Variants in NEBL observed in about 807,000 individuals in gnomAD.
NEBL encodes the protein LIM and SH3 protein 2.
Under a neutral mutation model 140.2 loss-of-function variants are expected in NEBL, and 122 were observed. The observed-to-expected ratio is 0.87, with a 90% confidence interval of 0.75 to 1.01. The LOEUF is 1.01. NEBL is among the 50% of genes least tolerant of loss of function. NEBL has a pLI of 0.00. For missense variants in NEBL, 1,365 were observed against 1,231.3 expected, an observed-to-expected ratio of 1.11 and a Z score of -1.62; for synonymous variants, 436 against 398.9, an observed-to-expected ratio of 1.09 and a Z score of -1.11.
At chr10:20,850,914 A>C (rs1842442660) in intron 10 of NEBL, among the ~76,000 whole-genome samples, 1 of 152,346 alleles carries the variant, frequency 6.6e-6, no homozygotes, top group East Asian at 1.9e-4. Flanking sequence ...GAAAGAAAAC[A>C]TGGGTATGAT....
intron 3 of NEBL, among the ~76,000 whole-genome samples, chr10:21,223,224 C>T (rs1047349184): frequency 2.6e-5 from 4 of 152,222 alleles, no homozygotes; most frequent in African/African-American, 7.2e-5. Flanking sequence ...CCTCTGGTAA[C>T]CATTCTTACA....
chr10:21,026,743 T>A (rs1833516141), intron 2 of NEBL, among the ~76,000 whole-genome samples: 1 of 152,254 alleles, frequency 6.6e-6, no homozygotes, highest in Non-Finnish European at 1.5e-5. Context: ...CAGGGCTGCC[T>A]GCTAGCATTC....
At chr10:21,041,904 C>T (rs1834284729) in intron 2 of NEBL, among the ~76,000 whole-genome samples, 1 of 152,142 alleles carries the variant, frequency 6.6e-6, no homozygotes, top group Non-Finnish European at 1.5e-5. Context: ...TGTCATGGTG[C>T]TGGTGGGAGT....
At chr10:20,836,238 G>A (rs1840875295) in intron 13 of NEBL, among the ~76,000 whole-genome samples, 1 of 151,688 alleles carries the variant, frequency 6.6e-6, no homozygotes, top group African/African-American at 2.4e-5. Context: ...TGATTTTTTT[G>A]TTTTGACAGA....
intron 4 of NEBL, among the ~76,000 whole-genome samples, chr10:20,936,213 C>T (rs1453323353): frequency 3.3e-5 from 5 of 152,158 alleles, no homozygotes; most frequent in Non-Finnish European, 7.3e-5. Flanking sequence ...ATTTAATTCT[C>T]ATAAAAACTC....
intron 3 of NEBL, among the ~76,000 whole-genome samples, chr10:21,233,777 G>C (rs1392073630): frequency 1.5e-5 from 2 of 136,500 alleles, no homozygotes; most frequent in Non-Finnish European, 1.5e-5. Context: ...ACATATAAAT[G>C]CATATATATG....
intron 2 of NEBL, among the ~76,000 whole-genome samples, chr10:21,113,883 CTATTA>C (rs1838160786): frequency 6.6e-6 from 1 of 151,952 alleles, no homozygotes; most frequent in Non-Finnish European, 1.5e-5. Context: ...CTGATTTTCT[CTATTA>C]TTTTTGTTTT....
intron 2 of NEBL, chr10:21,113,434 A>G: frequency 2.4e-6 from 1 of 417,668 alleles, no homozygotes; most frequent in Non-Finnish European, 4.5e-6. Flanking sequence ...CAATTATGTG[A>G]AGAGTTGCTT....
intron 3 of NEBL, among the ~76,000 whole-genome samples, chr10:21,237,769 G>A (rs1842377909): frequency 6.6e-6 from 1 of 151,750 alleles, no homozygotes. Context: ...ACCAAGCCTG[G>A]CTAATTTTTG....
chr10:21,283,285 G>A (rs1016154282), intron 1 of NEBL, among the ~76,000 whole-genome samples: 1 of 152,082 alleles, frequency 6.6e-6, no homozygotes, highest in Non-Finnish European at 1.5e-5. Flanking sequence ...GCAACAACAG[G>A]AAGTTACCCT....
intron 5 of NEBL, 36 bp from the exon 6 acceptor site, chr10:20,869,877 A>G: frequency 7.6e-7 from 1 of 1,313,650 alleles, no homozygotes; most frequent in East Asian, 2.3e-5. Flanking sequence ...AAATAAATAA[A>G]TTAGTAATTT....
intron 2 of NEBL, among the ~76,000 whole-genome samples, chr10:21,100,401 T>C (rs577904156): frequency 6.6e-6 from 1 of 152,356 alleles, no homozygotes; most frequent in Admixed American, 6.5e-5. Context: ...CATTGTCAGC[T>C]GTGCGGGCTG....
intron 2 of NEBL, among the ~76,000 whole-genome samples, chr10:21,118,966 C>T (rs1038602700): frequency 2.0e-5 from 3 of 152,152 alleles, no homozygotes; most frequent in Non-Finnish European, 4.4e-5. Flanking sequence ...TCTTCTCAAT[C>T]ATTCTTACAA....
chr10:21,163,366 A>T (rs1341539454), intron 2 of NEBL, among the ~76,000 whole-genome samples: 1 of 152,198 alleles, frequency 6.6e-6, no homozygotes, highest in Non-Finnish European at 1.5e-5. Context: ...AAGACAGTGC[A>T]GGTTATCCAA....
At chr10:21,200,089 G>A (rs1325947398) in intron 3 of NEBL, among the ~76,000 whole-genome samples, 6 of 151,942 alleles carry the variant, frequency 3.9e-5, no homozygotes, top group African/African-American at 1.5e-4. Flanking sequence ...TGAGGTCTCA[G>A]CTGCAACTTA....
chr10:20,796,170 C>A (rs1316181609), intron 26 of NEBL, among the ~76,000 whole-genome samples: 2 of 151,790 alleles, frequency 1.3e-5, no homozygotes, highest in African/African-American at 4.8e-5. Context: ...TCGAGACCAG[C>A]CTGGCCAACA....
chr10:21,133,359 A>AG (rs879461464), intron 2 of NEBL, among the ~76,000 whole-genome samples: 42 of 152,304 alleles, frequency 2.8e-4, no homozygotes, highest in Middle Eastern at 3.4e-3. Context: ...GGCTTAGCGG[A>AG]GGGGGCTCCT....
At chr10:20,877,440 A>C (rs188341577) in intron 5 of NEBL, among the ~76,000 whole-genome samples, 69 of 152,312 alleles carry the variant, frequency 4.5e-4, no homozygotes, top group African/African-American at 1.5e-3. Flanking sequence ...GAGGGTAAGG[A>C]AGTCCTTCGT....
At chr10:21,240,791 A>C (rs1176977260) in intron 3 of NEBL, among the ~76,000 whole-genome samples, 1 of 152,120 alleles carries the variant, frequency 6.6e-6, no homozygotes, top group Admixed American at 6.6e-5. Flanking sequence ...GGGTTAGGAT[A>C]AGTAAGTAAA....
Sources: allele counts gnomAD v4.1 joint callset (sites outside exome capture counted in the v4.1 genomes callset), GRCh38; gene constraint gnomAD v4.1.1; transcripts MANE v1.5; gene names NCBI Gene and HGNC (gene_info 2026-07-23, HGNC 2026-07-21).